The following RXFP1 variants were observed in gnomAD, a reference collection of about 807,000 sequenced individuals.
The protein encoded by RXFP1 is relaxin family peptide receptor 1.
A neutral mutation model predicts 89.8 loss-of-function variants in RXFP1; 73 were observed. That is an observed-to-expected ratio of 0.81 (90% confidence interval 0.67 to 0.99). The LOEUF (loss-of-function observed/expected upper bound fraction) is 0.99. RXFP1 is among the 50% of genes least tolerant of loss of function. RXFP1 has a pLI of 0.00. For missense variants in RXFP1, 793 were observed against 895.5 expected, an observed-to-expected ratio of 0.89 and a Z score of 1.46; for synonymous variants, 277 against 305.5, an observed-to-expected ratio of 0.91 and a Z score of 0.97.
chr4:158,620,242 T>C (rs554153724), intron 9 of RXFP1, among the ~76,000 whole-genome samples: 1 of 152,068 alleles, frequency 6.6e-6, no homozygotes, highest in Non-Finnish European at 1.5e-5. Flanking sequence ...CTTGAAGATA[T>C]GTCATAGAAA....
chr4:158,571,150 A>T (rs1458168246), intron 1 of RXFP1, among the ~76,000 whole-genome samples: 2 of 152,142 alleles, frequency 1.3e-5, no homozygotes, highest in Admixed American at 6.5e-5. Flanking sequence ...GTAAATATTT[A>T]TTAACTTGTT....
chr4:158,583,608 G>A (rs1757777332), intron 2 of RXFP1, among the ~76,000 whole-genome samples: 1 of 152,156 alleles, frequency 6.6e-6, no homozygotes, highest in African/African-American at 2.4e-5. Context: ...AAAATTTTCT[G>A]GTTTTCTATT....
chr4:158,639,731 G>A (rs7684527), intron 14 of RXFP1, among the ~76,000 whole-genome samples: 110,852 of 152,120 alleles, frequency 0.73, 44,276 homozygotes, highest in East Asian at 0.97. Flanking sequence ...TTAGCCAGTC[G>A]TGGTGGTGAT....
At chr4:158,651,540 G>T (rs983149260) in intron 17 of RXFP1, among the ~76,000 whole-genome samples, 2 of 152,114 alleles carry the variant, frequency 1.3e-5, no homozygotes, top group Non-Finnish European at 2.9e-5. Context: ...ACTTAGCAAA[G>T]AATACCATTC....
intron 1 of RXFP1, among the ~76,000 whole-genome samples, chr4:158,552,486 G>A (rs578212753): frequency 6.6e-6 from 1 of 151,988 alleles, no homozygotes; most frequent in Non-Finnish European, 1.5e-5. Context: ...CAAAAACTTT[G>A]ATTCTTCAAA....
intron 1 of RXFP1, among the ~76,000 whole-genome samples, chr4:158,570,392 A>G (rs545583680): frequency 6.6e-5 from 10 of 152,278 alleles, no homozygotes; most frequent in East Asian, 1.9e-4. Context: ...CACATGGTGA[A>G]GCTCTTGGGT....
At chr4:158,589,071 G>A (rs1261795644) in intron 2 of RXFP1, among the ~76,000 whole-genome samples, 1 of 152,124 alleles carries the variant, frequency 6.6e-6, no homozygotes. Context: ...ACTTACAATC[G>A]TGACCAAAGG....
intron 2 of RXFP1, among the ~76,000 whole-genome samples, chr4:158,584,063 A>T (rs1008433249): frequency 2.0e-5 from 3 of 152,128 alleles, no homozygotes; most frequent in African/African-American, 7.2e-5. Context: ...ACCTCATTTT[A>T]CTTTATGAGC....
At position 158,633,496 on chromosome 4, in the gene RXFP1, T is replaced by G; in HGVS notation, c.971+20T>G. ...ACAATTGTAAGACTGATGTTAATTTTGCCACCTCGTTTCTTTATTTTATTA... is the reference window on the plus strand; with the variant it reads ...ACAATTGTAAGACTGATGTTAATTTGGCCACCTCGTTTCTTTATTTTATTA... On this transcript the variant is annotated intron_variant, in intron 12 of 17. Coordinates refer to ENST00000307765, the MANE Select transcript of RXFP1 (RefSeq NM_021634.4). The G allele has an allele frequency of 6.9e-7, 1 of 1,459,708 alleles. No homozygotes were observed. Among genetic ancestry groups the G allele is most frequent in the Non-Finnish European group, 9.4e-7 (1 of 1,062,522 alleles). The allele number at this position is 1,459,708 out of a possible 1,614,324, so 90.4% of individuals were successfully genotyped here.
intron 11 of RXFP1, among the ~76,000 whole-genome samples, chr4:158,631,955 T>C (rs1275144138): frequency 6.6e-6 from 1 of 152,126 alleles, no homozygotes; most frequent in Non-Finnish European, 1.5e-5. Context: ...TAGCTGGGCA[T>C]GGTGGCATAT....
chr4:158,524,245 C>G (rs62352887), intron 1 of RXFP1, among the ~76,000 whole-genome samples: 1 of 152,040 alleles, frequency 6.6e-6, no homozygotes, highest in African/African-American at 2.4e-5. Flanking sequence ...TTTCAGAGCC[C>G]GTGCTCTCTC....
intron 1 of RXFP1, among the ~76,000 whole-genome samples, chr4:158,554,305 C>T (rs1750795793): frequency 6.6e-6 from 1 of 151,996 alleles, no homozygotes; most frequent in South Asian, 2.1e-4. Context: ...AAAGAATACT[C>T]ACTCTTTAAA....
chr4:158,586,253 A>T (rs1240739223), intron 2 of RXFP1, among the ~76,000 whole-genome samples: 1 of 152,254 alleles, frequency 6.6e-6, no homozygotes, highest in Non-Finnish European at 1.5e-5. Flanking sequence ...CATTCATTCA[A>T]TCAACAAATA....
chr4:158,597,824 TAC>T (rs1760932056), intron 3 of RXFP1, among the ~76,000 whole-genome samples: 1 of 152,166 alleles, frequency 6.6e-6, no homozygotes, highest in Non-Finnish European at 1.5e-5. Flanking sequence ...CCCCACAGCA[TAC>T]ACACAGACTC....
At chr4:158,643,856 G>A (rs1402603142) in intron 14 of RXFP1, among the ~76,000 whole-genome samples, 3 of 151,896 alleles carry the variant, frequency 2.0e-5, no homozygotes, top group East Asian at 1.9e-4. Context: ...TTACATTCCC[G>A]CCAATAACAG....
chr4:158,609,643 A>G (rs186517657), intron 6 of RXFP1, among the ~76,000 whole-genome samples: 168 of 152,266 alleles, frequency 1.1e-3, no homozygotes, highest in Middle Eastern at 0.01. Context: ...AAGAGCACCT[A>G]GTAATTTACT....
intron 11 of RXFP1, among the ~76,000 whole-genome samples, chr4:158,632,909 C>G (rs941924545): frequency 6.6e-6 from 1 of 152,262 alleles, no homozygotes; most frequent in Admixed American, 6.5e-5. Flanking sequence ...CAGTGGCTCA[C>G]GCCTGTAATC....
chr4:158,646,692 A>G (rs965890327), intron 15 of RXFP1, 99 bp from the exon 16 acceptor site: 1 of 1,473,952 alleles, frequency 6.8e-7, no homozygotes, highest in Non-Finnish European at 9.0e-7. Context: ...GTTGGAAGAA[A>G]CTTGACTATT....
chr4:158,590,172 A>G (rs1561077577), intron 2 of RXFP1, among the ~76,000 whole-genome samples: 1 of 152,196 alleles, frequency 6.6e-6, no homozygotes, highest in Non-Finnish European at 1.5e-5. Flanking sequence ...TAAGGCCACA[A>G]GAAATAAAAG....
Sources: gnomAD v4.1 joint callset for allele counts (sites outside exome capture counted in the v4.1 genomes callset) on GRCh38, gnomAD v4.1.1 for gene constraint, MANE v1.5 for transcripts, NCBI Gene and HGNC (gene_info 2026-07-23, HGNC 2026-07-21) for gene names.